The following EYS variants were observed in gnomAD, a reference collection of about 807,000 sequenced individuals.
EYS encodes protein eyes shut homolog.
A neutral mutation model predicts 282.1 loss-of-function variants in EYS; 250 were observed. That is an observed-to-expected ratio of 0.89 (90% CI 0.80 to 0.98). The LOEUF (loss-of-function observed/expected upper bound fraction) is 0.98, where lower values mean the gene tolerates loss of function less well. Ranked by LOEUF, EYS falls within the 50% of genes least tolerant of loss-of-function variation. EYS has a pLI of 0.00. For missense variants in EYS, 4,016 were observed against 3,709.0 expected, an observed-to-expected ratio of 1.08 and a Z score of -2.15; for synonymous variants, 1,355 against 1,282.9, an observed-to-expected ratio of 1.06 and a Z score of -1.20.
chr6:64,978,216 AT>A (rs1367028158), intron 14 of EYS, among the ~76,000 whole-genome samples: 1 of 151,876 alleles, frequency 6.6e-6, no homozygotes, highest in African/African-American at 2.4e-5. Context: ...GGATGATGCA[AT>A]TTGTGACTTG....
rs951932262 is a variant in EYS at position 63,788,092 on chromosome 6, G to T, written c.7723+13C>A. The T allele has an allele frequency of 6.6e-7, 1 of 1,518,516 alleles. No individual in the cohort carries two copies. The highest frequency in any genetic ancestry group is 1.4e-5 in the African/African-American group (1 of 71,048). 94.1% of individuals were successfully genotyped at this position (1,518,516 alleles called of 1,614,324 possible). A position where few individuals can be genotyped will look rare whatever the true frequency, so the allele number is the denominator to read the frequency against. On this transcript the variant is annotated intron_variant, in intron 39 of 42. Coordinates refer to ENST00000503581, the MANE Select transcript of EYS (RefSeq NM_001142800.2). ...AATAAGTAGGTATAATATAAAAAATGTCCATGCCTTACCTTGAAAACCATT... is the reference window on the plus strand; with the variant it reads ...AATAAGTAGGTATAATATAAAAAATTTCCATGCCTTACCTTGAAAACCATT...
At chr6:64,822,345 C>T (rs1172692758) in intron 20 of EYS, among the ~76,000 whole-genome samples, 1 of 151,958 alleles carries the variant, frequency 6.6e-6, no homozygotes, top group Non-Finnish European at 1.5e-5. Context: ...TAGAATGTCT[C>T]ATCATCTTAC....
At chr6:63,951,633 T>C (rs1196360479) in intron 35 of EYS, among the ~76,000 whole-genome samples, 1 of 152,150 alleles carries the variant, frequency 6.6e-6, no homozygotes, top group Admixed American at 6.5e-5. Flanking sequence ...TCCTCTACCC[T>C]ATAATCCTTT....
chr6:65,698,541 T>C lies in EYS; in HGVS notation c.-448+8594A>G, dbSNP rs77984032. Among the ~76,000 whole-genome samples the C allele has an allele frequency of 3.0e-3, 453 of 152,298 alleles. 3 individuals carry two copies. Among genetic ancestry groups the C allele is most frequent in the African/African-American group, 0.01 (434 of 41,584 alleles). The stretch of plus-strand genomic sequence containing the variant: ...GGATGCTAAAAAAATGAAGAATGCA[T>C]CTAGAAATTGTATTCTATGTAACTC... On this transcript the variant is annotated intron_variant, in intron 1 of 42. Coordinates refer to ENST00000503581, the MANE Select transcript of EYS (RefSeq NM_001142800.2).
chr6:65,672,551 C>T (rs868173303), intron 1 of EYS, among the ~76,000 whole-genome samples: 1 of 151,980 alleles, frequency 6.6e-6, no homozygotes, highest in Non-Finnish European at 1.5e-5. Flanking sequence ...TAGATCCCAA[C>T]AAAAAGTAAC....
At chr6:65,204,132 A>G (rs1331570193) in intron 12 of EYS, among the ~76,000 whole-genome samples, 4 of 152,128 alleles carry the variant, frequency 2.6e-5, no homozygotes, top group Non-Finnish European at 5.9e-5. Context: ...TATGAAAAAC[A>G]TAATTGAGAA....
chr6:64,779,843 A>G (rs981032771), intron 22 of EYS, among the ~76,000 whole-genome samples: 1 of 152,190 alleles, frequency 6.6e-6, no homozygotes, highest in African/African-American at 2.4e-5. Flanking sequence ...ATGCTGTTTG[A>G]TAGATTAGTG....
intron 2 of EYS, among the ~76,000 whole-genome samples, chr6:65,597,570 G>A (rs1376010899): frequency 6.6e-6 from 1 of 152,066 alleles, no homozygotes; most frequent in Non-Finnish European, 1.5e-5. Context: ...TTGTAGCCTT[G>A]CATCAAATAA....
intron 13 of EYS, among the ~76,000 whole-genome samples, chr6:65,036,773 C>A (rs1172817542): frequency 6.6e-6 from 1 of 151,758 alleles, no homozygotes; most frequent in Non-Finnish European, 1.5e-5. Flanking sequence ...CATCTCATAC[C>A]CACTCAGAAT....
At position 65,292,410 on chromosome 6, in the gene EYS, G is replaced by A. The variant is rs577795896; in HGVS notation, c.2023+3453C>T. Among the ~76,000 whole-genome samples, 22 of 151,772 alleles carry A rather than the reference G, an allele frequency of 1.4e-4. 1 individual carries two copies. The South Asian group carries it at 4.1e-3, about 29-fold the overall frequency. On this transcript the variant is annotated intron_variant, in intron 12 of 42. Coordinates refer to ENST00000503581, the MANE Select transcript of EYS (RefSeq NM_001142800.2). The stretch of plus-strand genomic sequence containing the variant: ...TATAGAGACTGGAATGTCGAAGGAA[G>A]CAATCAAGGGTAAAAATCTTACTAA...
intron 22 of EYS, among the ~76,000 whole-genome samples, chr6:64,725,904 A>G (rs1250788490): frequency 2.6e-5 from 4 of 152,156 alleles, no homozygotes; most frequent in African/African-American, 4.8e-5. Flanking sequence ...TACATTGCTG[A>G]TACATTTAGG....
chr6:65,701,390 A>G (rs1253521831), intron 1 of EYS, among the ~76,000 whole-genome samples: 1 of 152,136 alleles, frequency 6.6e-6, no homozygotes. Context: ...TTGAAAATAA[A>G]TCTGTCCATT....
At chr6:64,734,332 A>T (rs1005089708) in intron 22 of EYS, among the ~76,000 whole-genome samples, 6 of 149,820 alleles carry the variant, frequency 4.0e-5, no homozygotes, top group African/African-American at 1.2e-4. Context: ...GCATGTTTTT[A>T]TTTTTTTTTT....
intron 31 of EYS, among the ~76,000 whole-genome samples, chr6:64,103,714 C>T (rs1279030662): frequency 2.6e-5 from 4 of 152,138 alleles, no homozygotes; most frequent in Non-Finnish European, 5.9e-5. Flanking sequence ...ATTAGAATTG[C>T]TCATCAGTAA....
intron 8 of EYS, among the ~76,000 whole-genome samples, chr6:65,373,192 T>C (rs1024871355): frequency 2.0e-5 from 3 of 152,156 alleles, no homozygotes; most frequent in Admixed American, 1.3e-4. Flanking sequence ...TCCAAATCCA[T>C]TCTTCCACAT....
intron 19 of EYS, among the ~76,000 whole-genome samples, chr6:64,843,438 C>T (rs1301595509): frequency 1.3e-5 from 2 of 152,154 alleles, no homozygotes; most frequent in Non-Finnish European, 2.9e-5. Flanking sequence ...GGCAGAACTG[C>T]CCAAGACTAA....
At chr6:64,629,530 CAT>C (rs1181218309) in intron 22 of EYS, among the ~76,000 whole-genome samples, 3 of 152,084 alleles carry the variant, frequency 2.0e-5, no homozygotes, top group African/African-American at 7.2e-5. Context: ...TCCAGTGACA[CAT>C]ATCTTTGATT....
At chr6:63,896,160 TCCAA>T (rs1206688115) in intron 35 of EYS, among the ~76,000 whole-genome samples, 1 of 152,214 alleles carries the variant, frequency 6.6e-6, no homozygotes, top group African/African-American at 2.4e-5. Context: ...TTTTCATAAC[TCCAA>T]CCATCTCCTG....
intron 31 of EYS, among the ~76,000 whole-genome samples, chr6:64,223,172 C>A (rs1349456368): frequency 6.6e-6 from 1 of 151,888 alleles, no homozygotes; most frequent in Middle Eastern, 3.2e-3. Flanking sequence ...TCACTGAATA[C>A]CAATTTTTTT....
Sources: allele counts gnomAD v4.1 joint callset (sites outside exome capture counted in the v4.1 genomes callset), GRCh38; gene constraint gnomAD v4.1.1; transcripts MANE v1.5; gene names NCBI Gene and HGNC (gene_info 2026-07-23, HGNC 2026-07-21).